The following CAPN13 variants were observed in gnomAD, a reference collection of about 807,000 sequenced individuals.
The protein encoded by CAPN13 is calpain-13.
CAPN13 carries 90 observed loss-of-function variants against 98.4 expected under a neutral mutation model. The ratio of observed to expected loss-of-function variants is 0.92; its 90% confidence interval spans 0.77 to 1.09. CAPN13 has a LOEUF of 1.09. Among genes scored for constraint, CAPN13 ranks in the 50% least tolerant of loss-of-function variants. The pLI is 0.00. For missense variants in CAPN13, 887 were observed against 841.3 expected, an observed-to-expected ratio of 1.05 and a Z score of -0.67; for synonymous variants, 330 against 305.5, an observed-to-expected ratio of 1.08 and a Z score of -0.84.
At chr2:30,741,997 T>C (rs1671687049) in intron 14 of CAPN13, 33 bp from the exon 15 acceptor site, 2 of 1,603,582 alleles carry the variant, frequency 1.2e-6, no homozygotes, top group Non-Finnish European at 1.7e-6. Context: ...AATGTTAGAC[T>C]TCTGGGGAAG....
intron 20 of CAPN13, 22 bp downstream of exon 20, chr2:30,732,416 G>A (rs1671148306): frequency 1.2e-6 from 2 of 1,612,508 alleles, no homozygotes; most frequent in Non-Finnish European, 1.7e-6. Flanking sequence ...AGGTCTCTGG[G>A]ATGCCCCTTG....
At chr2:30,738,617 A>G (rs761007641) in intron 15 of CAPN13, among the ~76,000 whole-genome samples, 160 bp from the exon 16 acceptor site, 3 of 152,210 alleles carry the variant, frequency 2.0e-5, no homozygotes, top group Non-Finnish European at 4.4e-5. Context: ...GCTGCCAGCC[A>G]TAGTAGTGAC....
intron 1 of CAPN13, among the ~76,000 whole-genome samples, chr2:30,801,604 TAAAAAAAAAAAAA>T (rs10609363): frequency 1.3e-5 from 1 of 79,978 alleles, no homozygotes; most frequent in South Asian, 4.0e-4. Context: ...GACTCAGTCT[TAAAAAAAAAAAAA>T]AAAAAAAAAA....
At chr2:30,724,981 G>A (rs568281502) in intron 22 of CAPN13, among the ~76,000 whole-genome samples, 1 of 152,230 alleles carries the variant, frequency 6.6e-6, no homozygotes, top group East Asian at 1.9e-4. Flanking sequence ...AGGAGAAGGT[G>A]GCCCTTTCCT....
intron 1 of CAPN13, among the ~76,000 whole-genome samples, chr2:30,789,325 C>T (rs1674489184): frequency 6.6e-6 from 1 of 152,198 alleles, no homozygotes; most frequent in South Asian, 2.1e-4. Context: ...TGCCAAGCCT[C>T]CTACCTCTCA....
At chr2:30,731,454 T>C in intron 20 of CAPN13, 55 bp from the exon 21 acceptor site, 1 of 1,511,900 alleles carries the variant, frequency 6.6e-7, no homozygotes, top group Non-Finnish European at 9.0e-7. Context: ...ATCCAGGCAG[T>C]TCAGGGGAGG....
intron 1 of CAPN13, among the ~76,000 whole-genome samples, chr2:30,790,380 T>G (rs1674538866): frequency 6.6e-6 from 1 of 152,190 alleles, no homozygotes; most frequent in Non-Finnish European, 1.5e-5. Flanking sequence ...AAGATAAAGT[T>G]TATCTTGCTG....
chr2:30,795,826 T>C (rs1437194751), intron 1 of CAPN13, among the ~76,000 whole-genome samples: 1 of 152,074 alleles, frequency 6.6e-6, no homozygotes, highest in Non-Finnish European at 1.5e-5. Flanking sequence ...TTAACTCTTA[T>C]GGGAATTTAA....
chr2:30,770,886 T>C (rs1276950787), intron 4 of CAPN13, among the ~76,000 whole-genome samples: 1 of 152,068 alleles, frequency 6.6e-6, no homozygotes, highest in Non-Finnish European at 1.5e-5. Flanking sequence ...GCTGAGGGCT[T>C]GAAGGAAGAG....
chr2:30,741,785 G>A, intron 15 of CAPN13, 123 bp downstream of exon 15: 3 of 1,543,326 alleles, frequency 1.9e-6, no homozygotes, highest in Non-Finnish European at 2.6e-6. Flanking sequence ...AGAGAGGCAG[G>A]TAAAATAGTC....
At chr2:30,769,402 G>A (rs1021877658) in intron 5 of CAPN13, among the ~76,000 whole-genome samples, 1 of 152,128 alleles carries the variant, frequency 6.6e-6, no homozygotes, top group Non-Finnish European at 1.5e-5. Context: ...CAGTCTCATA[G>A]GAGGAGACGG....
Position 30,734,516 on chromosome 2 carries a change from G to A in CAPN13, c.1731C>T (p.Phe577=). The change falls in exon 19 of 23, where the codon TTC becomes TTT. Residue 577 remains phenylalanine, a synonymous_variant. Coordinates refer to ENST00000295055, the MANE Select transcript of CAPN13 (RefSeq NM_144575.3). The part of the protein sequence containing the change: ...WKRLVHYQHV[F]QKVQTSPGVL... ...CTCCAGGGCTTGTCTGAACCTTCTG[G>A]AAAACATGCTAATAGGGGAAGAGAA... 2 of 1,613,640 alleles carry A rather than the reference G, an allele frequency of 1.2e-6. No individual in the cohort carries two copies. Among genetic ancestry groups the A allele is most frequent in the Non-Finnish European group, 8.5e-7 (1 of 1,179,580 alleles).
chr2:30,783,391 G>A (rs189744846), intron 2 of CAPN13, among the ~76,000 whole-genome samples: 3 of 152,140 alleles, frequency 2.0e-5, no homozygotes, highest in Admixed American at 6.6e-5. Flanking sequence ...GGCTGGGGGA[G>A]GGGGAGGGCT....
intron 1 of CAPN13, among the ~76,000 whole-genome samples, chr2:30,788,092 G>C (rs1463285426): frequency 6.6e-6 from 1 of 151,420 alleles, no homozygotes; most frequent in African/African-American, 2.4e-5. Context: ...GGGGGATAGG[G>C]AGGAAAAAAA....
intron 3 of CAPN13, 136 bp from the exon 4 acceptor site, chr2:30,776,181 G>A (rs889414783): frequency 1.8e-6 from 1 of 563,960 alleles, no homozygotes; most frequent in Non-Finnish European, 3.1e-6. Context: ...TGAGAGAGGA[G>A]AACCGGGGGA....
Position 30,787,321 on chromosome 2 carries a change from G to A in CAPN13, c.5C>T (p.Ala2Val), listed in dbSNP as rs201284844. ...CTCCACTGAAGGCTCCTGGTAATAC[G>A]CCATGACTCTCCTTAGAAGACTTCC... Reference protein sequence around the residue: MAYYQEPSVETS... With the variant: MVYYQEPSVETS... Residue 2 changes from alanine to valine, a missense_variant, in exon 2 of 23, where the codon GCG becomes GTG. Physicochemically the swap from Ala to Val is moderately conservative, Grantham distance 64. Coordinates refer to ENST00000295055, the MANE Select transcript of CAPN13 (RefSeq NM_144575.3). 96 of 1,611,270 alleles carry A rather than the reference G, an allele frequency of 6.0e-5. No homozygotes were observed. In the African/African-American group the frequency reaches 6.3e-4, roughly 11 times the overall value.
At chr2:30,724,230 C>A (rs911888418) in intron 22 of CAPN13, among the ~76,000 whole-genome samples, 1 of 152,162 alleles carries the variant, frequency 6.6e-6, no homozygotes, top group Non-Finnish European at 1.5e-5. Context: ...ACTCTAGGAT[C>A]ACATTTTCTC....
chr2:30,740,959 G>A (rs1416889398), intron 15 of CAPN13, among the ~76,000 whole-genome samples: 2 of 152,108 alleles, frequency 1.3e-5, no homozygotes, highest in East Asian at 1.9e-4. Flanking sequence ...GCACCTCCTC[G>A]GGCCAAGGAC....
chr2:30,723,577 C>G (rs1409872688), intron 22 of CAPN13, among the ~76,000 whole-genome samples: 1 of 152,092 alleles, frequency 6.6e-6, no homozygotes, highest in East Asian at 1.9e-4. Flanking sequence ...CCTCCCATCT[C>G]CAGGCAGGTT....
Sources: allele counts gnomAD v4.1 joint callset (sites outside exome capture counted in the v4.1 genomes callset), GRCh38; gene constraint gnomAD v4.1.1; transcripts MANE v1.5; gene names NCBI Gene and HGNC (gene_info 2026-07-23, HGNC 2026-07-21).